The following ACOXL variants were observed in gnomAD, a reference collection of about 807,000 sequenced individuals.
The protein encoded by ACOXL is acyl-coenzyme A oxidase-like protein.
Under a neutral mutation model 71.9 loss-of-function variants are expected in ACOXL, and 70 were observed. The ratio of observed to expected loss-of-function variants is 0.97; its 90% CI spans 0.80 to 1.19. The LOEUF (loss-of-function observed/expected upper bound fraction) is 1.19. Among genes scored for constraint, ACOXL ranks in the 50% most tolerant of loss-of-function variants. The pLI is 0.00. For synonymous variants in ACOXL, 253 were observed against 281.6 expected (o/e 0.90, Z 1.02); for missense variants, 703 against 736.3 (o/e 0.95, Z 0.52).
chr2:111,114,403 T>G (rs1248275970), intron 17 of ACOXL: 2 of 152,348 alleles, frequency 1.3e-5, no homozygotes, highest in Non-Finnish European at 2.9e-5. Flanking sequence ...TTCCCCATAT[T>G]CTACTGGCAA....
intron 1 of ACOXL, among the ~76,000 whole-genome samples, chr2:110,740,149 A>G (rs1677337874): frequency 6.6e-6 from 1 of 152,242 alleles, no homozygotes; most frequent in African/African-American, 2.4e-5. Context: ...CCTCGTATTC[A>G]TAAGAAGAGA....
chr2:110,893,164 T>A lies in ACOXL; in HGVS notation c.789-15625T>A, dbSNP rs551782833. Among the ~76,000 whole-genome samples, 13 of 152,246 alleles carry A rather than the reference T, an allele frequency of 8.5e-5. No homozygotes were observed. The East Asian group carries it at 2.1e-3, about 25-fold the overall frequency. ...TATAAAAATTAAAAGTGTACATATT[T>A]CAAAAGCAAAGCTAAAACTATGTCA... On this transcript the variant is annotated intron_variant, in intron 10 of 17. Coordinates refer to ENST00000439055, the MANE Select transcript of ACOXL (RefSeq NM_001142807.4).
intron 1 of ACOXL, among the ~76,000 whole-genome samples, chr2:110,752,872 G>A (rs1339658765): frequency 6.6e-6 from 1 of 152,088 alleles, no homozygotes; most frequent in Non-Finnish European, 1.5e-5. Context: ...ATTGGGTGGC[G>A]CTGGGTCAGG....
intron 13 of ACOXL, among the ~76,000 whole-genome samples, chr2:110,991,521 G>C (rs2063172933): frequency 6.6e-6 from 1 of 151,714 alleles, no homozygotes; most frequent in East Asian, 1.9e-4. Context: ...GAGATTATTG[G>C]TCCCTCAAAC....
At chr2:110,924,036 C>G (rs1250595743) in intron 11 of ACOXL, among the ~76,000 whole-genome samples, 1 of 151,976 alleles carries the variant, frequency 6.6e-6, no homozygotes, top group African/African-American at 2.4e-5. Context: ...GTGAATATCG[C>G]AATAACATGA....
rs543587120 is a variant in ACOXL, at chr2:111,041,488, T to A, written c.1370-7730T>A. Among the ~76,000 whole-genome samples, 10 of 152,046 alleles carry A rather than the reference T, an allele frequency of 6.6e-5. No homozygotes were observed. In the East Asian group the frequency reaches 1.9e-3, roughly 29 times the overall value. ...TGTCAAAGTTGTCCTTCCATGCAGG[T>A]GAAGGGGGATCTGCAGGTGGGACAG... On this transcript the variant is annotated intron_variant, in intron 15 of 17. Coordinates refer to ENST00000439055, the MANE Select transcript of ACOXL (RefSeq NM_001142807.4).
chr2:110,972,480 C>T (rs568670845), intron 12 of ACOXL, among the ~76,000 whole-genome samples: 1 of 152,236 alleles, frequency 6.6e-6, no homozygotes, highest in Admixed American at 6.5e-5. Flanking sequence ...GTCAACGGTC[C>T]CCAGGGTCAC....
At chr2:110,856,255 A>G (rs549697988) in intron 10 of ACOXL, among the ~76,000 whole-genome samples, 36 of 152,276 alleles carry the variant, frequency 2.4e-4, no homozygotes, top group African/African-American at 8.4e-4. Context: ...ACCTCTCAAT[A>G]TGATGAAATC....
intron 1 of ACOXL, among the ~76,000 whole-genome samples, chr2:110,748,661 C>A (rs1018743311): frequency 6.6e-6 from 1 of 152,134 alleles, no homozygotes; most frequent in Non-Finnish European, 1.5e-5. Flanking sequence ...TCAGGCTGTG[C>A]AGGTGGCTCC....
At chr2:111,099,996 A>G (rs1428576280) in intron 17 of ACOXL, 1 of 152,210 alleles carries the variant, frequency 6.6e-6, no homozygotes, top group Non-Finnish European at 1.5e-5. Context: ...CGTGCCTTGA[A>G]GTTGACTGAA....
At chr2:110,971,107 C>G (rs1266666940) in intron 12 of ACOXL, among the ~76,000 whole-genome samples, 1 of 152,114 alleles carries the variant, frequency 6.6e-6, no homozygotes, top group African/African-American at 2.4e-5. Context: ...ATAAAGACCT[C>G]TCAAAACTCA....
At chr2:110,880,147 C>CACAA (rs1293687952) in intron 10 of ACOXL, among the ~76,000 whole-genome samples, 1 of 62,642 alleles carries the variant, frequency 1.6e-5, no homozygotes, top group Non-Finnish European at 2.9e-5. Flanking sequence ...GAGACTCTGT[C>CACAA]ACAAACAAAA....
At chr2:110,922,587 T>G (rs1408627638) in intron 11 of ACOXL, among the ~76,000 whole-genome samples, 2 of 152,222 alleles carry the variant, frequency 1.3e-5, no homozygotes, top group Non-Finnish European at 2.9e-5. Context: ...ATAAAAGTGT[T>G]ATATGTATCA....
intron 1 of ACOXL, among the ~76,000 whole-genome samples, chr2:110,752,743 A>T (rs919699350): frequency 6.6e-6 from 1 of 152,100 alleles, no homozygotes; most frequent in Admixed American, 6.6e-5. Context: ...TGTGCATGAC[A>T]CTACTGTGTG....
chr2:111,006,072 A>G (rs1029683189), intron 14 of ACOXL, among the ~76,000 whole-genome samples: 3 of 152,240 alleles, frequency 2.0e-5, no homozygotes, highest in Middle Eastern at 3.2e-3. Context: ...AAGACAGGAA[A>G]TAAAATTAGT....
In ACOXL at chr2:110,801,509, C is replaced by T; in HGVS notation, c.548-143C>T. On this transcript the variant is annotated intron_variant, in intron 7 of 17. Transcript: ENST00000439055. Reference sequence around the variant, plus strand: ...TCATCAAGGAAACAACAGACAACATCCCCATGTCCACCCCCAAGGAAAAAG... The same window carrying T: ...TCATCAAGGAAACAACAGACAACATTCCCATGTCCACCCCCAAGGAAAAAG... 3 of 672,908 alleles carry T rather than the reference C, an allele frequency of 4.5e-6. No individual in the cohort carries two copies. The South Asian group carries it at 5.7e-5, about 13-fold the overall frequency. The allele number at this position is 672,908 out of a possible 1,614,324, so 41.7% of individuals were successfully genotyped here.
chr2:110,873,345 CCCCAGCTGGGGCCCAG>C (rs1238736554), intron 10 of ACOXL, among the ~76,000 whole-genome samples: 1 of 151,978 alleles, frequency 6.6e-6, no homozygotes, highest in Non-Finnish European at 1.5e-5. Flanking sequence ...GAAGGCCTGG[CCCCAGCTGGGGCCCAG>C]TGTGGACTCA....
chr2:110,764,248 T>A (rs1680756957), intron 1 of ACOXL, among the ~76,000 whole-genome samples: 1 of 152,154 alleles, frequency 6.6e-6, no homozygotes, highest in Non-Finnish European at 1.5e-5. Context: ...TTTCCAAAAC[T>A]TAGGAGTAAC....
intron 14 of ACOXL, among the ~76,000 whole-genome samples, chr2:110,999,964 A>G (rs1020280086): frequency 6.6e-6 from 1 of 152,270 alleles, no homozygotes; most frequent in African/African-American, 2.4e-5. Flanking sequence ...GTAATCCACT[A>G]GGTTTGGGGC....
Sources: gnomAD v4.1 joint callset for allele counts (sites outside exome capture counted in the v4.1 genomes callset) on GRCh38, gnomAD v4.1.1 for gene constraint, MANE v1.5 for transcripts, NCBI Gene and HGNC (gene_info 2026-07-23, HGNC 2026-07-21) for gene names.